SH3RF2: variants seen among roughly 807,000 people sequenced by gnomAD.
SH3RF2 encodes the protein SH3 domain containing ring finger 2, also known as E3 ubiquitin-protein ligase SH3RF2.
Under a neutral mutation model 59.0 loss-of-function variants are expected in SH3RF2, and 43 were observed. The observed-to-expected ratio is 0.73, with a 90% confidence interval of 0.57 to 0.94. The LOEUF (loss-of-function observed/expected upper bound fraction) is 0.94, where lower values mean the gene tolerates loss of function less well. Ranked by LOEUF, SH3RF2 falls within the 40% of genes least tolerant of loss-of-function variation. SH3RF2 has a pLI of 0.00. For missense variants in SH3RF2, 930 were observed against 940.1 expected, an observed-to-expected ratio of 0.99 and a Z score of 0.14; for synonymous variants, 391 against 391.5, an observed-to-expected ratio of 1.00 and a Z score of 0.01.
chr5:146,015,394 C>T (rs980201505), intron 5 of SH3RF2, among the ~76,000 whole-genome samples: 1 of 152,182 alleles, frequency 6.6e-6, no homozygotes, highest in African/African-American at 2.4e-5. Context: ...TCTACATACA[C>T]ACTGCACTTC....
At chr5:146,080,261 T>A (rs1225221722) in exon 10 of SH3RF2, 1 of 151,932 alleles carries the variant, frequency 6.6e-6, no homozygotes, top group Non-Finnish European at 1.5e-5. Context: ...ACACTTTGGG[T>A]CGGGGGAAGG....
At chr5:145,991,217 A>T (rs773202040) in intron 2 of SH3RF2, among the ~76,000 whole-genome samples, 5 of 152,216 alleles carry the variant, frequency 3.3e-5, no homozygotes, top group Admixed American at 6.5e-5. Flanking sequence ...TGGATCTGCC[A>T]ATACACTGGC....
intron 2 of SH3RF2, among the ~76,000 whole-genome samples, chr5:145,949,182 C>T (rs1271681206): frequency 4.6e-5 from 7 of 152,090 alleles, no homozygotes; most frequent in East Asian, 3.9e-4. Flanking sequence ...GCAGGGGATT[C>T]GGAGGTAATT....
chr5:146,000,880 T>A (rs541121984), intron 3 of SH3RF2, among the ~76,000 whole-genome samples: 3 of 152,322 alleles, frequency 2.0e-5, no homozygotes, highest in African/African-American at 7.2e-5. Context: ...GACAGAAAAT[T>A]AGAAACAATT....
chr5:145,936,875 A>C (rs1231511580), intron 1 of SH3RF2, 181 bp downstream of exon 1: 1 of 152,244 alleles, frequency 6.6e-6, no homozygotes, highest in Non-Finnish European at 1.5e-5. Context: ...AAGCCCTGGC[A>C]CTTGTGAGGG....
rs566412575 is a variant in SH3RF2, at chr5:146,075,725, A to G, written c.*34-2735A>G. 2.5e-3 allele frequency among the ~76,000 whole-genome samples: 376 copies of G among 147,996 alleles called. 3 individuals are homozygous for G. The highest frequency in any genetic ancestry group is 9.3e-3 in the African/African-American group (368 of 39,636). On this transcript the variant is annotated intron_variant, in intron 9 of 9. Coordinates refer to the SH3RF2 transcript ENST00000511217. Reference sequence around the variant, plus strand: ...ACCCGGGAGGCGGAGGTTGCAGTGAACCAAGGTGGCACCACTGTACTCCAG... The same window carrying G: ...ACCCGGGAGGCGGAGGTTGCAGTGAGCCAAGGTGGCACCACTGTACTCCAG...
intron 2 of SH3RF2, among the ~76,000 whole-genome samples, chr5:145,965,269 C>T (rs1275064334): frequency 6.6e-6 from 1 of 151,234 alleles, no homozygotes; most frequent in African/African-American, 2.4e-5. Context: ...TGTTTTTTCT[C>T]CCAGAAATGG....
At chr5:145,991,644 A>G (rs1759937390) in intron 2 of SH3RF2, among the ~76,000 whole-genome samples, 1 of 152,188 alleles carries the variant, frequency 6.6e-6, no homozygotes, top group African/African-American at 2.4e-5. Context: ...ATATTTATTT[A>G]TGTTGAGGGG....
intron 9 of SH3RF2, among the ~76,000 whole-genome samples, chr5:146,068,594 C>A (rs1763160051): frequency 6.6e-6 from 1 of 152,198 alleles, no homozygotes; most frequent in African/African-American, 2.4e-5. Context: ...ATCCTCGTAG[C>A]AAATTGGTGT....
chr5:146,037,608 A>G (rs1220485664), intron 5 of SH3RF2, among the ~76,000 whole-genome samples: 1 of 152,200 alleles, frequency 6.6e-6, no homozygotes, highest in Non-Finnish European at 1.5e-5. Flanking sequence ...GGGCTTATGG[A>G]AAAACATTTT....
At chr5:145,980,934 C>G (rs1298453256) in intron 2 of SH3RF2, among the ~76,000 whole-genome samples, 1 of 152,152 alleles carries the variant, frequency 6.6e-6, no homozygotes, top group African/African-American at 2.4e-5. Context: ...GAAACTGAGG[C>G]AAAGTCCACA....
At chr5:146,070,200 AG>A (rs1763203409) in intron 9 of SH3RF2, among the ~76,000 whole-genome samples, 1 of 152,192 alleles carries the variant, frequency 6.6e-6, no homozygotes. Context: ...ACTAGAACCC[AG>A]GACTCTAAGC....
chr5:146,011,827 G>C (rs1430633065), intron 4 of SH3RF2, among the ~76,000 whole-genome samples: 18 of 152,128 alleles, frequency 1.2e-4, no homozygotes, highest in African/African-American at 4.1e-4. Context: ...CATCTGCAAA[G>C]AGGGACAATT....
chr5:145,978,677 G>A (rs1245054323), intron 2 of SH3RF2, among the ~76,000 whole-genome samples: 1 of 143,956 alleles, frequency 6.9e-6, no homozygotes, highest in African/African-American at 2.7e-5. Flanking sequence ...TAGGAGGGTG[G>A]TTTTAAGGAA....
At chr5:146,032,486 A>G (rs1265441992) in intron 5 of SH3RF2, among the ~76,000 whole-genome samples, 1 of 152,208 alleles carries the variant, frequency 6.6e-6, no homozygotes, top group African/African-American at 2.4e-5. Flanking sequence ...CAAGATTCAT[A>G]TAGGTAATAT....
At chr5:146,043,877 T>C (rs1392691624) in intron 5 of SH3RF2, 1 of 152,212 alleles carries the variant, frequency 6.6e-6, no homozygotes, top group Non-Finnish European at 1.5e-5. Flanking sequence ...TGGGGGTGTT[T>C]CTAGTTTTTT....
chr5:146,052,050 C>T (rs1041549369), intron 7 of SH3RF2, among the ~76,000 whole-genome samples: 1 of 152,144 alleles, frequency 6.6e-6, no homozygotes, highest in Non-Finnish European at 1.5e-5. Flanking sequence ...TACCCTAATT[C>T]ATGAACGGTT....
At chr5:146,032,057 T>A (rs1314518681) in intron 5 of SH3RF2, among the ~76,000 whole-genome samples, 1 of 152,164 alleles carries the variant, frequency 6.6e-6, no homozygotes, top group Non-Finnish European at 1.5e-5. Flanking sequence ...CCAAAGTAGG[T>A]CTCCCATCAT....
At chr5:146,038,046 T>C (rs11744031) in intron 5 of SH3RF2, among the ~76,000 whole-genome samples, 50,373 of 152,124 alleles carry the variant, frequency 0.33, 8,847 homozygotes, top group Non-Finnish European at 0.39. Flanking sequence ...AACTGATATA[T>C]TTTATCACAT....
Sources: gnomAD v4.1 joint callset for allele counts (sites outside exome capture counted in the v4.1 genomes callset) on GRCh38, gnomAD v4.1.1 for gene constraint, MANE v1.5 for transcripts, NCBI Gene and HGNC (gene_info 2026-07-23, HGNC 2026-07-21) for gene names.